The following ANK2 variants were observed in gnomAD, a reference collection of about 807,000 sequenced individuals.
The protein encoded by ANK2 is ankyrin-2.
In ANK2, 83 loss-of-function variants were observed where a neutral mutation model predicts 360.5. The observed-to-expected ratio is 0.23, with a 90% confidence interval of 0.19 to 0.28. The LOEUF is 0.28. Among genes scored for constraint, ANK2 ranks in the 10% least tolerant of loss-of-function variants. The pLI, the probability that ANK2 is intolerant of heterozygous loss-of-function variation, is 1.00. For missense variants in ANK2, 4,201 were observed against 4,795.7 expected, an observed-to-expected ratio of 0.88 and a Z score of 3.66; for synonymous variants, 1,740 against 1,759.5, an observed-to-expected ratio of 0.99 and a Z score of 0.28.
At chr4:113,060,375 TTTTATCTTCACAATAACGTGA>T (rs1425482936) in intron 1 of ANK2, among the ~76,000 whole-genome samples, 1 of 152,110 alleles carries the variant, frequency 6.6e-6, no homozygotes, top group African/African-American at 2.4e-5. Context: ...GATTATCTAA[TTTTATCTTCACAATAACGTGA>T]TGAGTAGATA....
rs1019609456 is a variant in ANK2 at position 112,960,131 on chromosome 4, C to A, written c.21+55617C>A. Reference sequence around the variant, plus strand: ...AGCCAAACAACTCAGATGAATGGCACCCCCCAGACTAACTTCTGAGTAAAC... The same window carrying A: ...AGCCAAACAACTCAGATGAATGGCAACCCCCAGACTAACTTCTGAGTAAAC... On this transcript the variant is annotated intron_variant, in intron 2 of 30. Coordinates refer to the ANK2 transcript ENST00000503271. 2.0e-5 allele frequency among the ~76,000 whole-genome samples: 3 copies of A among 152,246 alleles called. No homozygotes were observed. In the East Asian group the frequency reaches 5.8e-4, roughly 29 times the overall value.
chr4:113,018,836 T>C (rs2057333480), intron 2 of ANK2, among the ~76,000 whole-genome samples: 1 of 152,244 alleles, frequency 6.6e-6, no homozygotes, highest in African/African-American at 2.4e-5. Flanking sequence ...CTTGACTTAC[T>C]GCTTCTGAAA....
At chr4:113,347,855 C>A in intron 35 of ANK2, 1 of 177,300 alleles carries the variant, frequency 5.6e-6, no homozygotes, top group Admixed American at 5.6e-5. Flanking sequence ...TAGAATAATG[C>A]TTCTAAATAT....
chr4:113,100,147 T>A (rs1417441888), intron 1 of ANK2, among the ~76,000 whole-genome samples: 1 of 151,976 alleles, frequency 6.6e-6, no homozygotes, highest in Non-Finnish European at 1.5e-5. Context: ...ATTTAAAACT[T>A]CTGTTTTATG....
chr4:113,358,008 C>T lies in ANK2; in HGVS notation c.9390C>T (p.His3130=). 6.2e-7 allele frequency: 1 copy of T among 1,614,020 alleles called. No homozygotes were observed. Among genetic ancestry groups the T allele is most frequent in the Non-Finnish European group, 8.5e-7 (1 of 1,179,964 alleles). ...GGTCCTATGCAGATGAAAGTTTTCA[C>T]TTTTTCCAAATTGGTCAAGAATCCA... The part of the protein sequence containing the change: ...TKRSYADESF[H]FFQIGQESRE... Residue 3130 remains histidine (H), a synonymous_variant, in exon 38 of 46, where the codon CAC becomes CAT. Coordinates refer to ENST00000357077, the MANE Select transcript of ANK2 (RefSeq NM_001148.6).
chr4:112,939,451 AGGC>A (rs953695503), intron 2 of ANK2, among the ~76,000 whole-genome samples: 1 of 151,178 alleles, frequency 6.6e-6, no homozygotes, highest in Non-Finnish European at 1.5e-5. Flanking sequence ...CTGGGATTAC[AGGC>A]GTGTGCCACC....
chr4:112,940,176 A>C (rs2154245803), intron 2 of ANK2, among the ~76,000 whole-genome samples: 1 of 152,354 alleles, frequency 6.6e-6, no homozygotes, highest in Non-Finnish European at 1.5e-5. Flanking sequence ...CACTACAGCA[A>C]ACAAGAAAAA....
intron 2 of ANK2, among the ~76,000 whole-genome samples, chr4:112,906,101 A>C (rs1444775329): frequency 6.6e-6 from 1 of 152,210 alleles, no homozygotes; most frequent in Non-Finnish European, 1.5e-5. Context: ...GGATAGATGA[A>C]TCTTAGAAGC....
At chr4:113,203,059 G>A (rs2098862716) in intron 4 of ANK2, among the ~76,000 whole-genome samples, 1 of 152,152 alleles carries the variant, frequency 6.6e-6, no homozygotes, top group African/African-American at 2.4e-5. Context: ...GAATTATGGA[G>A]TTAGAAGTCA....
At chr4:113,030,064 G>A (rs1030010248) in intron 2 of ANK2, among the ~76,000 whole-genome samples, 7 of 151,948 alleles carry the variant, frequency 4.6e-5, no homozygotes, top group African/African-American at 1.5e-4. Flanking sequence ...TAAAAATCTT[G>A]TGTACTATGT....
chr4:113,103,803 G>A (rs1306815665), intron 1 of ANK2, among the ~76,000 whole-genome samples: 1 of 152,178 alleles, frequency 6.6e-6, no homozygotes, highest in African/African-American at 2.4e-5. Context: ...TTCTCAGGAA[G>A]TGGAATATGT....
At chr4:112,966,162 T>A (rs954287213) in intron 2 of ANK2, among the ~76,000 whole-genome samples, 2 of 151,788 alleles carry the variant, frequency 1.3e-5, no homozygotes, top group Non-Finnish European at 2.9e-5. Context: ...AAAGAAACTA[T>A]GACATGTTTC....
upstream of ANK2, among the ~76,000 whole-genome samples, chr4:113,049,396 G>C (rs1006583371): frequency 5.3e-5 from 8 of 152,162 alleles, no homozygotes; most frequent in African/African-American, 1.9e-4. Flanking sequence ...GGTTTTGTGT[G>C]TAGGTTGAGA....
At chr4:113,077,986 C>T (rs2080833036) in intron 1 of ANK2, among the ~76,000 whole-genome samples, 1 of 62,298 alleles carries the variant, frequency 1.6e-5, no homozygotes. Context: ...ATTGAGTGCC[C>T]TTGGGGGGAA....
chr4:112,783,415 T>G, the ANK2 span, among the ~76,000 whole-genome samples: 1 of 152,152 alleles, frequency 6.6e-6, no homozygotes, highest in Non-Finnish European at 1.5e-5. Flanking sequence ...TAACCCAATA[T>G]CTCTTTCCAA....
At chr4:112,910,439 T>C (rs1461004694) in intron 2 of ANK2, among the ~76,000 whole-genome samples, 3 of 152,312 alleles carry the variant, frequency 2.0e-5, no homozygotes, top group Non-Finnish European at 4.4e-5. Flanking sequence ...GAAACACTTA[T>C]AAGAAAGGGG....
Position 112,862,527 on chromosome 4 carries a change from G to T in ANK2, c.-39-41928G>T, listed in dbSNP as rs533643476. On this transcript the variant is annotated intron_variant, in intron 1 of 30. Transcript: ENST00000503271. ...ACCAGAGTTCTAGTTGTTTTTATGA[G>T]ATTTTTAAAGAAGCACAGAAAGGAA... is the stretch of plus-strand genomic sequence containing the variant. Among the ~76,000 whole-genome samples the T allele has an allele frequency of 2.6e-5, 4 of 152,116 alleles. No homozygotes were observed. In the East Asian group the frequency reaches 7.7e-4, roughly 29 times the overall value.
At chr4:112,718,729 C>T in the ANK2 span, among the ~76,000 whole-genome samples, 1 of 152,338 alleles carries the variant, frequency 6.6e-6, no homozygotes, top group East Asian at 1.9e-4. Flanking sequence ...CCTCTGCCTC[C>T]CAGGTTCAAG....
intron 2 of ANK2, among the ~76,000 whole-genome samples, chr4:113,192,930 A>ATTTTTT (rs1562782025): frequency 1.5e-4 from 22 of 144,882 alleles, no homozygotes; most frequent in African/African-American, 4.9e-4. Context: ...TATTTAAAAA[A>ATTTTTT]AAAAAAAAAA....
Sources: allele counts gnomAD v4.1 joint callset (sites outside exome capture counted in the v4.1 genomes callset), GRCh38; gene constraint gnomAD v4.1.1; transcripts MANE v1.5; gene names NCBI Gene and HGNC (gene_info 2026-07-23, HGNC 2026-07-21).